Variants in SH2D2A observed in about 807,000 individuals in gnomAD.
The protein encoded by SH2D2A is SH2 domain-containing protein 2A.
A neutral mutation model predicts 43.6 loss-of-function variants in SH2D2A; 33 were observed. The ratio of observed to expected loss-of-function variants is 0.76; its 90% confidence interval spans 0.57 to 1.01. The LOEUF (loss-of-function observed/expected upper bound fraction) is 1.01. SH2D2A is among the 50% of genes least tolerant of loss of function. The pLI is 0.00. For missense variants in SH2D2A, 491 were observed against 503.1 expected, an observed-to-expected ratio of 0.98 and a Z score of 0.23; for synonymous variants, 212 against 206.1, an observed-to-expected ratio of 1.03 and a Z score of -0.25.
chr1:156,812,439 C>T (rs1448975446), intron 5 of SH2D2A, among the ~76,000 whole-genome samples: 1 of 152,234 alleles, frequency 6.6e-6, no homozygotes, highest in Non-Finnish European at 1.5e-5. Flanking sequence ...CCCATCATTC[C>T]TCAGACACAC....
Position 156,809,836 on chromosome 1 carries a change from C to A in SH2D2A, c.568-29G>T, listed in dbSNP as rs772591983. The A allele has an allele frequency of 6.2e-7, 1 of 1,611,642 alleles. No homozygotes were observed. The highest frequency in any genetic ancestry group is 8.5e-7 in the Non-Finnish European group (1 of 1,179,208). On this transcript the variant is annotated intron_variant, in intron 5 of 8. Coordinates refer to ENST00000368199, the MANE Select transcript of SH2D2A (RefSeq NM_003975.4). The surrounding 1 kb of genome is among the most constrained non-coding windows in gnomAD (Gnocchi z 4.8). The stretch of plus-strand genomic sequence containing the variant: ...CTGGGAAAGAAGGAGGTCTGAGGCA[C>A]TCGGTGGAGCGTTGGGGTGGGGGAG...
Position 156,809,908 on chromosome 1 carries a change from A to T in SH2D2A, c.568-101T>A. 1 of 1,293,684 alleles carries T rather than the reference A, an allele frequency of 7.7e-7. No individual in the cohort carries two copies. Among genetic ancestry groups the T allele is most frequent in the Non-Finnish European group, 1.1e-6 (1 of 927,868 alleles). 80.1% of individuals were successfully genotyped at this position (1,293,684 alleles called of 1,614,324 possible). A position where few individuals can be genotyped will look rare whatever the true frequency, so the allele number is the denominator to read the frequency against. Reference sequence around the variant, plus strand: ...TCCAGTCTAAGTGGAGGATGGGGGAAGGGGGAGGAGCACAGAAATTTGGCC... The same window carrying T: ...TCCAGTCTAAGTGGAGGATGGGGGATGGGGGAGGAGCACAGAAATTTGGCC... On this transcript the variant is annotated intron_variant, in intron 5 of 8. Coordinates refer to ENST00000368199, the MANE Select transcript of SH2D2A (RefSeq NM_003975.4). The surrounding 1 kb of genome is among the most constrained non-coding windows in gnomAD (Gnocchi z 4.8).
At chr1:156,808,133 C>T (rs1653101397) in intron 7 of SH2D2A, among the ~76,000 whole-genome samples, 1 of 152,068 alleles carries the variant, frequency 6.6e-6, no homozygotes, top group Admixed American at 6.5e-5. Flanking sequence ...GCCTGGGTGA[C>T]AAAGCCAGAC....
chr1:156,815,853 C>T (rs527803577), intron 2 of SH2D2A, 153 bp downstream of exon 2: 13 of 1,614,142 alleles, frequency 8.1e-6, no homozygotes, highest in East Asian at 2.2e-5. Context: ...TCCTCATTTT[C>T]GTTCTCTCTC....
intron 5 of SH2D2A, among the ~76,000 whole-genome samples, chr1:156,811,476 G>T (rs1024692293): frequency 1.3e-5 from 2 of 152,132 alleles, no homozygotes; most frequent in African/African-American, 2.4e-5. Flanking sequence ...CTGCCTTCAG[G>T]CTTCTCAGGT....
chr1:156,810,549 C>G (rs552467414), intron 5 of SH2D2A, among the ~76,000 whole-genome samples: 1 of 148,886 alleles, frequency 6.7e-6, no homozygotes, highest in East Asian at 2.0e-4. Context: ...GAGACCAAGT[C>G]TCATTCTGTC....
chr1:156,813,337 C>G (rs1315099066), intron 5 of SH2D2A, among the ~76,000 whole-genome samples: 2 of 152,110 alleles, frequency 1.3e-5, no homozygotes, highest in Admixed American at 1.3e-4. Context: ...GTTGGACTTC[C>G]AGATTTCAGA....
Position 156,816,046 on chromosome 1 carries a change from T to C in SH2D2A, c.83A>G (p.Asp28Gly), listed in dbSNP as rs949631277. Residue 28 changes from aspartate to glycine, a missense_variant, in exon 2 of 9, where the codon GAC (aspartate) becomes GGC (glycine). By Grantham distance (94) the Asp-to-Gly change is moderately conservative. Transcript: ENST00000368199. ...GTTCTGGCAGCTCCTGCGGGTCATG[T>C]CTGTGATCTGGAAGGTGCTGAAGGT... is the stretch of plus-strand genomic sequence containing the variant. ...IPTFSTFQIT[D>G]MTRRSCQNLG... 1.2e-6 allele frequency: 2 copies of C among 1,613,954 alleles called. No homozygotes were observed. The highest frequency in any genetic ancestry group is 1.7e-6 in the Non-Finnish European group (2 of 1,179,964).
At chr1:156,808,253 C>G (rs1008889865) in intron 7 of SH2D2A, among the ~76,000 whole-genome samples, 1 of 151,996 alleles carries the variant, frequency 6.6e-6, no homozygotes, top group Non-Finnish European at 1.5e-5. Context: ...CTGAGGGAGC[C>G]CTGGGATTCT....
chr1:156,813,392 C>G (rs868036617), intron 5 of SH2D2A, among the ~76,000 whole-genome samples: 17 of 152,080 alleles, frequency 1.1e-4, no homozygotes, highest in South Asian at 8.3e-4. Flanking sequence ...GCATTCGAGG[C>G]CTTAGGGATA....
At position 156,809,132 on chromosome 1, in the gene SH2D2A, C is replaced by CT. The variant is rs1653197165; in HGVS notation, c.1002+70dup. 6.7e-7 allele frequency: 1 copy of CT among 1,502,756 alleles called. No homozygotes were observed. Among genetic ancestry groups the CT allele is most frequent in the Non-Finnish European group, 9.0e-7 (1 of 1,106,430 alleles). The allele number at this position is 1,502,756 out of a possible 1,614,324, so 93.1% of individuals were successfully genotyped here. A position where few individuals can be genotyped will look rare whatever the true frequency, so the allele number is the denominator to read the frequency against. On this transcript the variant is annotated intron_variant, in intron 7 of 8. Transcript: ENST00000368199. The surrounding 1 kb of genome is among the most constrained non-coding windows in gnomAD (Gnocchi z 4.8). Reference sequence around the variant, plus strand: ...TGCCCCAGGCATCCACTCTGAACACCTTCTTCACCTTCCCCCATCTACCTG... The same window carrying CT: ...TGCCCCAGGCATCCACTCTGAACACCTTTCTTCACCTTCCCCCATCTACCTG...
chr1:156,809,910 G>T lies in SH2D2A; in HGVS notation c.568-103C>A, dbSNP rs1168701683. The T allele has an allele frequency of 6.7e-6, 9 of 1,340,208 alleles. No individual in the cohort carries two copies. The East Asian group carries it at 2.1e-4, about 32-fold the overall frequency. 83.0% of individuals were successfully genotyped at this position (1,340,208 alleles called of 1,614,324 possible). A position where few individuals can be genotyped will look rare whatever the true frequency, so the allele number is the denominator to read the frequency against. On this transcript the variant is annotated intron_variant, in intron 5 of 8. Transcript: ENST00000368199. The surrounding 1 kb of genome is among the most constrained non-coding windows in gnomAD (Gnocchi z 4.8). The stretch of plus-strand genomic sequence containing the variant: ...CAGTCTAAGTGGAGGATGGGGGAAG[G>T]GGGAGGAGCACAGAAATTTGGCCTG...
At chr1:156,812,376 T>C (rs964360541) in intron 5 of SH2D2A, among the ~76,000 whole-genome samples, 1 of 152,190 alleles carries the variant, frequency 6.6e-6, no homozygotes, top group African/African-American at 2.4e-5. Context: ...TCTCATCTCC[T>C]ACCTCTCTAT....
At chr1:156,816,597 C>T (rs1473117461) in intron 1 of SH2D2A, 78 bp downstream of exon 1, 4 of 1,490,650 alleles carry the variant, frequency 2.7e-6, no homozygotes, top group Non-Finnish European at 2.7e-6. Context: ...GAAGTGGGAG[C>T]TCAAGCCCAG....
At position 156,816,089 on chromosome 1, in the gene SH2D2A, G is replaced by A; in HGVS notation, c.40C>T (p.His14Tyr). The change falls in exon 2 of 9, where the codon CAC becomes TAC. Residue 14 changes from histidine (H) to tyrosine (Y), a missense_variant. Physicochemically the swap from His to Tyr is moderately conservative, Grantham distance 83. Coordinates refer to ENST00000368199, the MANE Select transcript of SH2D2A (RefSeq NM_003975.4). Reference sequence around the variant, plus strand: ...CTGAAGGTTGGGATGGGGGCTTCGTGACTCCCTGTGAGCACAAAGAGGGCT... The same window carrying A: ...CTGAAGGTTGGGATGGGGGCTTCGTAACTCCCTGTGAGCACAAAGAGGGCT... ...PLAQICPQGS[H>Y]EAPIPTFSTF... 6.2e-7 allele frequency: 1 copy of A among 1,612,976 alleles called. No homozygotes were observed.
intron 1 of SH2D2A, among the ~76,000 whole-genome samples, chr1:156,816,452 C>T (rs959868574): frequency 6.6e-6 from 1 of 152,200 alleles, no homozygotes; most frequent in Non-Finnish European, 1.5e-5. Context: ...CTCCTCTCTC[C>T]TCTCTGAGAA....
chr1:156,813,680 G>A (rs1035629769), intron 5 of SH2D2A, among the ~76,000 whole-genome samples, 168 bp downstream of exon 5: 2 of 152,204 alleles, frequency 1.3e-5, no homozygotes, highest in African/African-American at 4.8e-5. Context: ...TTTCTCGAAG[G>A]GCCTGCCACC....
chr1:156,807,078 G>A lies in SH2D2A; in HGVS notation c.*3+97C>T. 3.5e-6 allele frequency: 4 copies of A among 1,149,316 alleles called. No individual in the cohort carries two copies. The highest frequency in any genetic ancestry group is 5.2e-6 in the Non-Finnish European group (4 of 772,098). The allele number at this position is 1,149,316 out of a possible 1,614,324, so 71.2% of individuals were successfully genotyped here. On this transcript the variant is annotated intron_variant, in intron 8 of 8. Coordinates refer to ENST00000368199, the MANE Select transcript of SH2D2A (RefSeq NM_003975.4). The surrounding 1 kb of genome is among the most constrained non-coding windows in gnomAD (Gnocchi z 5.1). The stretch of plus-strand genomic sequence containing the variant: ...CTCCTTTCCAGCTTTGAACACCTAT[G>A]GTTTATTCCATCCACATTTCTTGAG...
intron 5 of SH2D2A, 145 bp downstream of exon 5, chr1:156,813,703 T>C: frequency 2.7e-6 from 2 of 736,566 alleles, no homozygotes; most frequent in Non-Finnish European, 3.9e-6. Context: ...CCCATGAAGA[T>C]GAAGATGCCT....
Sources: gnomAD v4.1 joint callset for allele counts (sites outside exome capture counted in the v4.1 genomes callset) on GRCh38, gnomAD v4.1.1 for gene constraint, Gnocchi (gnomAD v3.1) non-coding constraint, MANE v1.5 for transcripts, NCBI Gene and HGNC (gene_info 2026-07-23, HGNC 2026-07-21) for gene names.